Variants in ATP2B2 observed in about 807,000 individuals in gnomAD.
ATP2B2 encodes ATPase plasma membrane Ca2+ transporting 2, also known as plasma membrane calcium-transporting ATPase 2.
In ATP2B2, 15 loss-of-function variants were observed where a neutral mutation model predicts 120.0. The observed-to-expected ratio is 0.12, with a 90% CI of 0.08 to 0.19. The LOEUF is 0.19. Among genes scored for constraint, ATP2B2 ranks in the 10% least tolerant of loss-of-function variants. The pLI is 1.00. For synonymous variants in ATP2B2, 694 were observed against 700.3 expected (o/e 0.99, Z 0.14); for missense variants, 1,045 against 1,719.8 (o/e 0.61, Z 6.94).
At chr3:10,398,312 C>T (rs2062109323) in intron 5 of ATP2B2, among the ~76,000 whole-genome samples, 1 of 152,228 alleles carries the variant, frequency 6.6e-6, no homozygotes, top group Non-Finnish European at 1.5e-5. Context: ...ATCCTGGAGA[C>T]CTTGGCTGAT....
intron 2 of ATP2B2, among the ~76,000 whole-genome samples, chr3:10,570,822 G>T (rs1457778242): frequency 6.6e-6 from 1 of 152,314 alleles, no homozygotes; most frequent in East Asian, 1.9e-4. Flanking sequence ...GCACCTCAAC[G>T]CCCTGCTGTA....
At chr3:10,566,797 G>A (rs1337993243) in intron 2 of ATP2B2, among the ~76,000 whole-genome samples, 5 of 152,166 alleles carry the variant, frequency 3.3e-5, no homozygotes, top group African/African-American at 1.2e-4. Context: ...CCAGTTCTTG[G>A]TGAAGTTCTG....
chr3:10,505,714 G>A (rs2066601235), upstream of ATP2B2: 1 of 147,464 alleles, frequency 6.8e-6, no homozygotes, highest in Admixed American at 6.7e-5. Flanking sequence ...CGGAGGCTGG[G>A]GGATGGGGGC....
rs376758498 is a variant in ATP2B2 at position 10,338,172 on chromosome 3, G to A, written c.3420+4C>T. 1 of 1,613,886 alleles carries A rather than the reference G, an allele frequency of 6.2e-7. No individual in the cohort carries two copies. The highest frequency in any genetic ancestry group is 8.5e-7 in the Non-Finnish European group (1 of 1,180,014). On this transcript the variant is annotated splice_donor_region_variant and intron_variant, in intron 22 of 22. Transcript: ENST00000360273. ...TGGGCCCAGCCCCCAAGAGCCTCCTGTACCTGTGTCTGGATCCGATTCAGG... is the reference window on the plus strand; with the variant it reads ...TGGGCCCAGCCCCCAAGAGCCTCCTATACCTGTGTCTGGATCCGATTCAGG...
intron 2 of ATP2B2, among the ~76,000 whole-genome samples, chr3:10,587,250 A>G (rs2068531323): frequency 1.3e-5 from 2 of 151,710 alleles, no homozygotes; most frequent in Admixed American, 1.3e-4. Flanking sequence ...GAGTGCAGTG[A>G]GCCGTGATCA....
At chr3:10,558,954 GCTATTTAT>G (rs914005013) in intron 2 of ATP2B2, among the ~76,000 whole-genome samples, 2 of 152,172 alleles carry the variant, frequency 1.3e-5, no homozygotes, top group Non-Finnish European at 2.9e-5. Flanking sequence ...CACCTCCTCT[GCTATTTAT>G]ATACCTTGTG....
At chr3:10,539,306 T>A (rs574229850) in intron 2 of ATP2B2, among the ~76,000 whole-genome samples, 1 of 152,266 alleles carries the variant, frequency 6.6e-6, no homozygotes, top group South Asian at 2.1e-4. Context: ...CCCAAGGTAA[T>A]TTATAGATTC....
chr3:10,450,983 C>T (rs2064024925), intron 1 of ATP2B2, among the ~76,000 whole-genome samples: 1 of 152,146 alleles, frequency 6.6e-6, no homozygotes, highest in Non-Finnish European at 1.5e-5. Flanking sequence ...AGGGGAAGGG[C>T]TGAGAGAAGG....
intron 2 of ATP2B2, among the ~76,000 whole-genome samples, chr3:10,610,626 C>T (rs1320314176): frequency 1.3e-5 from 2 of 152,218 alleles, no homozygotes; most frequent in Non-Finnish European, 2.9e-5. Context: ...GTTCAATCTT[C>T]AAGTTTCCTT....
At chr3:10,494,954 C>T (rs2066083785) in intron 1 of ATP2B2, among the ~76,000 whole-genome samples, 2 of 152,194 alleles carry the variant, frequency 1.3e-5, no homozygotes, top group Non-Finnish European at 2.9e-5. Context: ...GGAATTTGAA[C>T]CACAGTTTCC....
chr3:10,455,802 C>T (rs868006768), intron 1 of ATP2B2, among the ~76,000 whole-genome samples: 29 of 152,356 alleles, frequency 1.9e-4, no homozygotes, highest in African/African-American at 6.5e-4. Context: ...CTTGTTTTCC[C>T]AGCTCCAGTG....
At chr3:10,331,794 G>T in intron 22 of ATP2B2, 1 of 477,488 alleles carries the variant, frequency 2.1e-6, no homozygotes, top group Non-Finnish European at 3.7e-6. Flanking sequence ...CGGGGTTTCA[G>T]ATGTTTTGGT....
At chr3:10,482,792 C>A (rs966361067) in intron 1 of ATP2B2, among the ~76,000 whole-genome samples, 1 of 152,216 alleles carries the variant, frequency 6.6e-6, no homozygotes, top group Non-Finnish European at 1.5e-5. Flanking sequence ...AGGATATATC[C>A]CTCTGCAGTG....
intron 18 of ATP2B2, among the ~76,000 whole-genome samples, chr3:10,344,792 A>C (rs2060383511): frequency 6.6e-6 from 1 of 152,192 alleles, no homozygotes; most frequent in Non-Finnish European, 1.5e-5. Context: ...CAGTCTGCAG[A>C]CATCTGGGGC....
At chr3:10,529,065 C>T (rs766807778) in intron 3 of ATP2B2, among the ~76,000 whole-genome samples, 3 of 152,244 alleles carry the variant, frequency 2.0e-5, no homozygotes, top group Non-Finnish European at 4.4e-5. Flanking sequence ...GTGATGGGCT[C>T]ATGTCTCTGT....
chr3:10,599,437 A>G (rs2068846716), intron 2 of ATP2B2, among the ~76,000 whole-genome samples: 1 of 152,038 alleles, frequency 6.6e-6, no homozygotes, highest in Admixed American at 6.5e-5. Context: ...GGCTCCCTCC[A>G]GCCCCCACAT....
At chr3:10,494,904 TA>T (rs1270183112) in intron 1 of ATP2B2, among the ~76,000 whole-genome samples, 1 of 152,146 alleles carries the variant, frequency 6.6e-6, no homozygotes, top group East Asian at 1.9e-4. Context: ...AAAGGAACAG[TA>T]ACTCACTGAG....
chr3:10,606,447 CA>C (rs767026685), intron 2 of ATP2B2, among the ~76,000 whole-genome samples: 7 of 152,130 alleles, frequency 4.6e-5, no homozygotes, highest in Non-Finnish European at 1.0e-4. Context: ...AGCCCCTGAC[CA>C]GGGGGGTGGA....
chr3:10,386,930 A>C (rs2061699239), intron 6 of ATP2B2, among the ~76,000 whole-genome samples: 2 of 152,216 alleles, frequency 1.3e-5, no homozygotes, highest in Non-Finnish European at 2.9e-5. Context: ...TAAAAACCAC[A>C]GATCTGGCCC....
Sources: allele counts gnomAD v4.1 joint callset (sites outside exome capture counted in the v4.1 genomes callset), GRCh38; gene constraint gnomAD v4.1.1; transcripts MANE v1.5; gene names NCBI Gene and HGNC (gene_info 2026-07-23, HGNC 2026-07-21).